The following UNC5D variants were observed in gnomAD, a reference collection of about 807,000 sequenced individuals.
The protein encoded by UNC5D is netrin receptor UNC5D.
Under a neutral mutation model 105.4 loss-of-function variants are expected in UNC5D, and 39 were observed. The ratio of observed to expected loss-of-function variants is 0.37; its 90% CI spans 0.29 to 0.48. The LOEUF (loss-of-function observed/expected upper bound fraction) is 0.48, where lower values mean the gene tolerates loss of function less well. UNC5D is among the 20% of genes least tolerant of loss of function. The probability of loss-of-function intolerance (pLI) is 0.98; values close to 1 mark genes in which losing one functional copy is unlikely to be tolerated. For missense variants in UNC5D, 991 were observed against 1,202.4 expected, an observed-to-expected ratio of 0.82 and a Z score of 2.60; for synonymous variants, 452 against 450.4, an observed-to-expected ratio of 1.00 and a Z score of -0.04.
intron 1 of UNC5D, among the ~76,000 whole-genome samples, chr8:35,430,830 CA>C (rs1347134326): frequency 6.6e-6 from 1 of 152,120 alleles, no homozygotes; most frequent in East Asian, 1.9e-4. Context: ...AGATCTACCT[CA>C]AAGCCCAGAG....
rs142153589 is a variant in UNC5D at position 35,324,282 on chromosome 8, T to C, written c.103+88395T>C. Among the ~76,000 whole-genome samples the C allele has an allele frequency of 3.5e-4, 52 of 148,214 alleles. No homozygotes were observed. In the East Asian group the frequency reaches 9.9e-3, roughly 28 times the overall value. ...GATGAGTCATTGATGAGTCATCCTA[T>C]TATCTATTCATAATTTATTAAGTGG... On this transcript the variant is annotated intron_variant, in intron 1 of 16. Coordinates refer to ENST00000404895, the MANE Select transcript of UNC5D (RefSeq NM_080872.4).
In UNC5D at chr8:35,442,600, T is replaced by C. The variant is rs533031742; in HGVS notation, c.104-106692T>C. ...GTCCGGTCTTTGTATAACTTGTTGA[T>C]AGAATAGTTTGTTTAGTAGTTTGAA... On this transcript the variant is annotated intron_variant, in intron 1 of 16. Transcript: ENST00000404895. Among the ~76,000 whole-genome samples, 54 of 152,080 alleles carry C rather than the reference T, an allele frequency of 3.6e-4. 1 individual carries two copies. Among genetic ancestry groups the C allele is most frequent in the Admixed American group, 7.2e-4 (11 of 15,238 alleles).
chr8:35,500,600 C>T (rs1403830632), intron 1 of UNC5D, among the ~76,000 whole-genome samples: 5 of 152,196 alleles, frequency 3.3e-5, no homozygotes, highest in Non-Finnish European at 7.3e-5. Flanking sequence ...CTTCTCACAA[C>T]ACTGTCTGTA....
Position 35,679,966 on chromosome 8 carries a change from A to G in UNC5D, c.571-3581A>G, listed in dbSNP as rs540150311. Among the ~76,000 whole-genome samples the G allele has an allele frequency of 2.0e-5, 3 of 152,296 alleles. No individual in the cohort carries two copies. In the East Asian group the frequency reaches 5.8e-4, roughly 29 times the overall value. ...GCACAGGACATGGCATCACATGGCA[A>G]TGAGGCTGAGCAGGCAAATATTCGA... On this transcript the variant is annotated intron_variant, in intron 4 of 16. Transcript: ENST00000404895.
chr8:35,324,233 CAAAAAAAAAA>C (rs569409228), intron 1 of UNC5D, among the ~76,000 whole-genome samples: 2 of 62,802 alleles, frequency 3.2e-5, no homozygotes, highest in African/African-American at 6.4e-5. Context: ...ACCCTGTCTC[CAAAAAAAAAA>C]AAAAAAAAAA....
chr8:35,386,620 T>C (rs1196552688), intron 1 of UNC5D, among the ~76,000 whole-genome samples: 5 of 152,352 alleles, frequency 3.3e-5, no homozygotes, highest in Non-Finnish European at 7.3e-5. Flanking sequence ...CTCTGACCTA[T>C]GAAAAATTGT....
chr8:35,730,515 C>T (rs147956058), intron 10 of UNC5D, among the ~76,000 whole-genome samples: 176 of 152,268 alleles, frequency 1.2e-3, no homozygotes, highest in African/African-American at 4.1e-3. Flanking sequence ...TGAGTACCAC[C>T]TTCAACTTGC....
rs79107120 is a variant in UNC5D, at chr8:35,337,777, A to C, written c.103+101890A>C. 1.8e-4 allele frequency among the ~76,000 whole-genome samples: 28 copies of C among 152,064 alleles called. 1 individual carries two copies. The East Asian group carries it at 5.2e-3, about 28-fold the overall frequency. On this transcript the variant is annotated intron_variant, in intron 1 of 16. Coordinates refer to ENST00000404895, the MANE Select transcript of UNC5D (RefSeq NM_080872.4). ...TTTTTCAAGAAAAAAAAAAACAGAT[A>C]GCCAAGGAAGTCAATTGTTGGTTTA...
intron 7 of UNC5D, 118 bp downstream of exon 7, chr8:35,686,827 AG>A (rs1826039770): frequency 7.6e-7 from 1 of 1,322,574 alleles, no homozygotes; most frequent in African/African-American, 1.5e-5. Flanking sequence ...CAAGCTGCTA[AG>A]GGCAAAAATA....
chr8:35,270,027 T>C (rs1461592671), intron 1 of UNC5D, among the ~76,000 whole-genome samples: 1 of 152,224 alleles, frequency 6.6e-6, no homozygotes, highest in Non-Finnish European at 1.5e-5. Context: ...GTATTTATTC[T>C]ACTGCTTCCT....
intron 3 of UNC5D, among the ~76,000 whole-genome samples, chr8:35,592,536 A>G (rs74718938): frequency 6.6e-6 from 1 of 152,142 alleles, no homozygotes; most frequent in Non-Finnish European, 1.5e-5. Flanking sequence ...TCATAGCTAT[A>G]CCTCTGTGTC....
At chr8:35,568,358 A>C in intron 3 of UNC5D, 117 bp downstream of exon 3, 1 of 1,337,606 alleles carries the variant, frequency 7.5e-7, no homozygotes, top group Non-Finnish European at 1.0e-6. Context: ...GAGGTCTTAA[A>C]TTTACTCTTC....
intron 1 of UNC5D, among the ~76,000 whole-genome samples, chr8:35,431,453 AT>A (rs1462850626): frequency 6.6e-6 from 1 of 152,166 alleles, no homozygotes; most frequent in African/African-American, 2.4e-5. Context: ...TTATTTCAAG[AT>A]GATCTTTACC....
intron 11 of UNC5D, among the ~76,000 whole-genome samples, chr8:35,741,685 A>T (rs1829771209): frequency 1.3e-5 from 2 of 152,280 alleles, no homozygotes; most frequent in Admixed American, 1.3e-4. Context: ...TGAGCATTTA[A>T]ACTTGACCAT....
intron 1 of UNC5D, among the ~76,000 whole-genome samples, chr8:35,372,959 C>T (rs536544453): frequency 6.6e-6 from 1 of 152,160 alleles, no homozygotes; most frequent in Non-Finnish European, 1.5e-5. Flanking sequence ...GGTCTCTTTG[C>T]CCACTTCAAT....
intron 11 of UNC5D, among the ~76,000 whole-genome samples, chr8:35,746,009 G>A (rs1046693938): frequency 4.6e-4 from 70 of 151,722 alleles, no homozygotes; most frequent in Non-Finnish European, 9.0e-4. Context: ...CCAATTAAAG[G>A]CTTCTCTCCC....
chr8:35,273,077 A>G (rs1805529599), intron 1 of UNC5D, among the ~76,000 whole-genome samples: 1 of 152,238 alleles, frequency 6.6e-6, no homozygotes, highest in Non-Finnish European at 1.5e-5. Context: ...GAAAGTTGTC[A>G]GCCACCAATA....
rs776396542 is a variant in UNC5D, at chr8:35,774,322, C to A, written c.2502C>A (p.Phe834Leu). ...ILESERETITFFAQEDSTFPA... is the reference protein window; with the variant it reads ...ILESERETITLFAQEDSTFPA... ...AGAGTGAACGAGAAACCATCACTTT[C>A]TTCGCACAAGAGGACAGCACTTTCC... is the stretch of plus-strand genomic sequence containing the variant. The change falls in exon 16 of 17, where the codon TTC (phenylalanine) becomes TTA (leucine). Residue 834 changes from phenylalanine (F) to leucine (L), a missense_variant. Phe to Leu is a conservative substitution (Grantham distance 22). Transcript: ENST00000404895. 1.2e-6 allele frequency: 2 copies of A among 1,614,064 alleles called. No homozygotes were observed. The highest frequency in any genetic ancestry group is 1.7e-6 in the Non-Finnish European group (2 of 1,179,974).
intron 3 of UNC5D, among the ~76,000 whole-genome samples, chr8:35,587,297 C>T (rs1320651020): frequency 6.6e-6 from 1 of 152,154 alleles, no homozygotes; most frequent in African/African-American, 2.4e-5. Flanking sequence ...CACACACACA[C>T]ACACACAATG....
Sources: gnomAD v4.1 joint callset for allele counts (sites outside exome capture counted in the v4.1 genomes callset) on GRCh38, gnomAD v4.1.1 for gene constraint, MANE v1.5 for transcripts, NCBI Gene and HGNC (gene_info 2026-07-23, HGNC 2026-07-21) for gene names.